Variants in TTC21B observed in about 807,000 individuals in gnomAD.
TTC21B encodes tetratricopeptide repeat domain 21B.
TTC21B carries 127 observed loss-of-function variants against 175.1 expected under a neutral mutation model. The observed-to-expected ratio is 0.73, with a 90% confidence interval of 0.63 to 0.84. The LOEUF (loss-of-function observed/expected upper bound fraction) is 0.84, where lower values mean the gene tolerates loss of function less well. Among genes scored for constraint, TTC21B ranks in the 40% least tolerant of loss-of-function variants. TTC21B has a pLI of 0.00. For synonymous variants in TTC21B, 524 were observed against 524.5 expected, an observed-to-expected ratio of 1.00 and a Z score of 0.01; for missense variants, 1,561 against 1,558.3, an observed-to-expected ratio of 1.00 and a Z score of -0.03.
In TTC21B at chr2:165,919,229, T is replaced by C. The variant is rs774863174; in HGVS notation, c.1674+47A>G. 4.4e-6 allele frequency: 7 copies of C among 1,603,296 alleles called. No individual in the cohort carries two copies. The Admixed American group carries it at 1.2e-4, about 27-fold the overall frequency. ...CACAAAATACTTGAATATGTAAGCT[T>C]TCAAGGAGGGTGATATGTCTTATCC... On this transcript the variant is annotated intron_variant, in intron 13 of 28. Coordinates refer to ENST00000243344, the MANE Select transcript of TTC21B (RefSeq NM_024753.5).
chr2:165,946,871 T>C (rs183373361), intron 3 of TTC21B, among the ~76,000 whole-genome samples: 12 of 152,024 alleles, frequency 7.9e-5, no homozygotes, highest in Non-Finnish European at 1.6e-4. Context: ...AGCTATAGAG[T>C]TTACATCATT....
intron 27 of TTC21B, among the ~76,000 whole-genome samples, chr2:165,877,602 T>C (rs925047473): frequency 6.6e-6 from 1 of 152,222 alleles, no homozygotes; most frequent in Non-Finnish European, 1.5e-5. Context: ...AAGTATACTC[T>C]AAGATGTTCA....
At position 165,929,222 on chromosome 2, in the gene TTC21B, C is replaced by CAA; in HGVS notation, c.1297_1298dup (p.Leu433PhefsTer12). On this transcript the variant is annotated frameshift_variant, in exon 11 of 29. Transcript: ENST00000243344. LOFTEE classifies it high-confidence loss of function. ...TTTCAAAATACTGTATGCCAAGAGGCAAACCTTCTAATTGTGAAAAGTGAG... is the reference window on the plus strand; with the variant it reads ...TTTCAAAATACTGTATGCCAAGAGGCAAAAACCTTCTAATTGTGAAAAGTGAG... 1 of 1,613,012 alleles carries CAA rather than the reference C, an allele frequency of 6.2e-7. No homozygotes were observed. The highest frequency in any genetic ancestry group is 1.1e-5 in the South Asian group (1 of 91,046).
At chr2:165,933,978 G>A (rs1371844397) in intron 6 of TTC21B, 1 of 152,116 alleles carries the variant, frequency 6.6e-6, no homozygotes, top group East Asian at 1.9e-4. Flanking sequence ...AGTCCAAACT[G>A]CAATGATGTG....
At chr2:165,885,447 A>G (rs1288339740) in intron 25 of TTC21B, among the ~76,000 whole-genome samples, 2 of 152,202 alleles carry the variant, frequency 1.3e-5, no homozygotes, top group African/African-American at 4.8e-5. Flanking sequence ...TCCTCTAGGT[A>G]AGGGGTGGCA....
intron 18 of TTC21B, among the ~76,000 whole-genome samples, chr2:165,909,387 T>C (rs1450554743): frequency 6.6e-6 from 1 of 152,038 alleles, no homozygotes; most frequent in East Asian, 1.9e-4. Context: ...GAAAAGCAGA[T>C]ATATGATCAT....
At chr2:165,888,549 G>A (rs1161596956) in intron 24 of TTC21B, 75 bp from the exon 25 acceptor site, 1 of 1,198,362 alleles carries the variant, frequency 8.3e-7, no homozygotes, top group Admixed American at 1.9e-5. Flanking sequence ...ATCAGCTTTT[G>A]TACACAAAAG....
rs1346934970 is a variant in TTC21B, at chr2:165,912,613, G to A, written c.2223C>T (p.Ala741=). Residue 741 remains alanine, a synonymous_variant, in exon 17 of 29, where the codon GCC becomes GCT. Transcript: ENST00000243344. Reference sequence around the variant, plus strand: ...TTAATGCTTGCTCATATGCTACTATGGCTTCTTCAGGCTAATATTGCCAGA... The same window carrying A: ...TTAATGCTTGCTCATATGCTACTATAGCTTCTTCAGGCTAATATTGCCAGA... The part of the protein sequence containing the change: ...AYMNILEPEE[A]IVAYEQALNQ... 1.9e-6 allele frequency: 3 copies of A among 1,613,562 alleles called. No individual in the cohort carries two copies. The highest frequency in any genetic ancestry group is 2.5e-6 in the Non-Finnish European group (3 of 1,179,772).
At chr2:165,937,715 A>G (rs1687203894) in intron 6 of TTC21B, among the ~76,000 whole-genome samples, 1 of 137,234 alleles carries the variant, frequency 7.3e-6, no homozygotes, top group Admixed American at 7.4e-5. Flanking sequence ...TTATGAGTCT[A>G]TTTATTATTT....
At chr2:165,902,163 T>C (rs1048666470) in intron 19 of TTC21B, among the ~76,000 whole-genome samples, 1 of 152,170 alleles carries the variant, frequency 6.6e-6, no homozygotes, top group Non-Finnish European at 1.5e-5. Context: ...AACATGTGTA[T>C]AGGAAGTTCA....
At chr2:165,913,938 C>T (rs1686050515) in intron 15 of TTC21B, among the ~76,000 whole-genome samples, 1 of 152,034 alleles carries the variant, frequency 6.6e-6, no homozygotes, top group African/African-American at 2.4e-5. Context: ...ACACATTTTG[C>T]TATGTTTACT....
chr2:165,906,522 A>C (rs1325596263), intron 19 of TTC21B, among the ~76,000 whole-genome samples: 1 of 152,198 alleles, frequency 6.6e-6, no homozygotes, highest in East Asian at 1.9e-4. Flanking sequence ...TAAATTTAAC[A>C]ATAAACTGAG....
rs763189834 is a variant in TTC21B at position 165,874,734 on chromosome 2, A to C, written c.*21T>G. On this transcript the variant is annotated 3_prime_UTR_variant, in exon 29 of 29. Transcript: ENST00000243344. The stretch of plus-strand genomic sequence containing the variant: ...ATTTCTTTCATTTCCTGTTAAACCA[A>C]CACCTAAGTTAAAATTATTTTCAAG... 16 of 1,604,686 alleles carry C rather than the reference A, an allele frequency of 1.0e-5. No homozygotes were observed. The highest frequency in any genetic ancestry group is 1.4e-5 in the Non-Finnish European group (16 of 1,171,706).
At chr2:165,886,307 T>TA (rs1365085324) in intron 25 of TTC21B, among the ~76,000 whole-genome samples, 1 of 152,222 alleles carries the variant, frequency 6.6e-6, no homozygotes, top group Non-Finnish European at 1.5e-5. Context: ...GCAATTCTAG[T>TA]ATGGAATGTA....
intron 9 of TTC21B, 52 bp from the exon 10 acceptor site, chr2:165,929,799 C>T: frequency 8.4e-7 from 1 of 1,185,406 alleles, no homozygotes; most frequent in South Asian, 1.2e-5. Flanking sequence ...TTCAGGGATG[C>T]ACTCTTCAAG....
intron 26 of TTC21B, among the ~76,000 whole-genome samples, chr2:165,882,328 A>G (rs1362300159): frequency 6.6e-6 from 1 of 152,212 alleles, no homozygotes; most frequent in African/African-American, 2.4e-5. Context: ...AGCTTTAGAA[A>G]TAGCAGTCAG....
In TTC21B at chr2:165,929,285, T is replaced by C. The variant is rs1202505016; in HGVS notation, c.1236A>G (p.Gln412=). The stretch of plus-strand genomic sequence containing the variant: ...CATTTAACAAATTAATAACTTCTTC[T>C]TGTCGTTTATTTTTCTTCATGGCAA... ...AVLAMKKNKR[Q]EEVINLLNDV... The change falls in exon 11 of 29, where the codon CAA becomes CAG. Residue 412 remains glutamine, a synonymous_variant. Coordinates refer to ENST00000243344, the MANE Select transcript of TTC21B (RefSeq NM_024753.5). The C allele has an allele frequency of 6.2e-7, 1 of 1,612,516 alleles. No individual in the cohort carries two copies. The highest frequency in any genetic ancestry group is 1.1e-5 in the South Asian group (1 of 90,996).
intron 6 of TTC21B, among the ~76,000 whole-genome samples, chr2:165,935,699 C>A (rs562883572): frequency 6.6e-6 from 1 of 152,242 alleles, no homozygotes; most frequent in Non-Finnish European, 1.5e-5. Context: ...ATTAAAAACA[C>A]AATAACATTT....
Position 165,931,766 on chromosome 2 carries a change from T to A in TTC21B, c.886A>T (p.Ser296Cys). 1 of 1,612,918 alleles carries A rather than the reference T, an allele frequency of 6.2e-7. No individual in the cohort carries two copies. The highest frequency in any genetic ancestry group is 8.5e-7 in the Non-Finnish European group (1 of 1,178,972). ...QLFYNITLAFSRTCGRSQLIL... is the reference protein window; with the variant it reads ...QLFYNITLAFCRTCGRSQLIL... ...ATGGTAGGCACTCTCACAGTTCTGC[T>A]GAAGGCGAGTGTAATGTTATAGAAA... is the stretch of plus-strand genomic sequence containing the variant. Residue 296 changes from serine to cysteine, a missense_variant, in exon 8 of 29, where the codon AGC (serine) becomes TGC (cysteine). Ser to Cys is a moderately radical substitution (Grantham distance 112). Transcript: ENST00000243344.
Sources: gnomAD v4.1 joint callset for allele counts (sites outside exome capture counted in the v4.1 genomes callset) on GRCh38, gnomAD v4.1.1 for gene constraint, MANE v1.5 for transcripts, NCBI Gene and HGNC (gene_info 2026-07-23, HGNC 2026-07-21) for gene names.